The following ALPL variants were observed in gnomAD, a reference collection of about 807,000 sequenced individuals.
ALPL encodes the protein alkaline phosphatase, biomineralization associated.
Under a neutral mutation model 51.3 loss-of-function variants are expected in ALPL, and 42 were observed. The ratio of observed to expected loss-of-function variants is 0.82; its 90% confidence interval spans 0.64 to 1.06. ALPL has a LOEUF of 1.06. Ranked by LOEUF, ALPL falls within the 50% of genes least tolerant of loss-of-function variation. The pLI, the probability that ALPL is intolerant of heterozygous loss-of-function variation, is 0.00. For missense variants in ALPL, 589 were observed against 709.4 expected, an observed-to-expected ratio of 0.83 and a Z score of 1.93; for synonymous variants, 279 against 296.4, an observed-to-expected ratio of 0.94 and a Z score of 0.60.
chr1:21,530,305 G>A (rs926025978), intron 1 of ALPL, among the ~76,000 whole-genome samples: 6 of 152,068 alleles, frequency 3.9e-5, no homozygotes, highest in African/African-American at 1.4e-4. Flanking sequence ...GATCTAATAC[G>A]GATGATTCCA....
At chr1:21,515,738 A>G (rs1202928939) in intron 1 of ALPL, among the ~76,000 whole-genome samples, 1 of 152,090 alleles carries the variant, frequency 6.6e-6, no homozygotes, top group Non-Finnish European at 1.5e-5. Flanking sequence ...GTGCACCTTT[A>G]CTAGGTCAGT....
chr1:21,564,919 T>C lies in ALPL; in HGVS notation c.648+703T>C, dbSNP rs879511451. Among the ~76,000 whole-genome samples, 31 of 152,364 alleles carry C rather than the reference T, an allele frequency of 2.0e-4. No individual in the cohort carries two copies. Among genetic ancestry groups the C allele is most frequent in the Middle Eastern group, 6.8e-3 (2 of 294 alleles). On this transcript the variant is annotated intron_variant, in intron 6 of 11. Coordinates refer to ENST00000374840, the MANE Select transcript of ALPL (RefSeq NM_000478.6). The surrounding 1 kb of genome is among the most constrained non-coding windows in gnomAD (Gnocchi z 5.8). Reference sequence around the variant, plus strand: ...TGAAACACACTTCAACAAACTGAGCTGACTCATGGAGACAGAAGTCATCCA... The same window carrying C: ...TGAAACACACTTCAACAAACTGAGCCGACTCATGGAGACAGAAGTCATCCA...
In ALPL at chr1:21,516,311, A is replaced by G. The variant is rs188492009; in HGVS notation, c.-105+6794A>G. Among the ~76,000 whole-genome samples the G allele has an allele frequency of 4.8e-4, 73 of 152,214 alleles. 2 individuals carry two copies. The East Asian group carries it at 0.013, about 26-fold the overall frequency. On this transcript the variant is annotated intron_variant, in intron 1 of 11. Coordinates refer to ENST00000374840, the MANE Select transcript of ALPL (RefSeq NM_000478.6). ...CGCCATTCTGGTGAGAAAATGTCTCATCTGAGGCCCATTTCCCCTCCTCCA... is the reference window on the plus strand; with the variant it reads ...CGCCATTCTGGTGAGAAAATGTCTCGTCTGAGGCCCATTTCCCCTCCTCCA...
At chr1:21,554,888 T>TC (rs1644390725) in intron 2 of ALPL, among the ~76,000 whole-genome samples, 10 of 115,750 alleles carry the variant, frequency 8.6e-5, no homozygotes, top group African/African-American at 3.0e-4. Flanking sequence ...TTTCTTTCTT[T>TC]TTCTTTCTTT....
chr1:21,570,527 G>T (rs1644632605), intron 8 of ALPL, among the ~76,000 whole-genome samples, 153 bp downstream of exon 8: 1 of 152,212 alleles, frequency 6.6e-6, no homozygotes, highest in Admixed American at 6.5e-5. Context: ...AAGGAAGGGG[G>T]TTCTGGTTCC....
chr1:21,562,144 A>G (rs1457893049), intron 4 of ALPL, among the ~76,000 whole-genome samples: 6 of 152,178 alleles, frequency 3.9e-5, no homozygotes. Context: ...GTGCATATAA[A>G]AGTTATGTTT....
chr1:21,574,051 T>C (rs1385595275), intron 9 of ALPL: 1 of 985,316 alleles, frequency 1.0e-6, no homozygotes, highest in Non-Finnish European at 1.2e-6. Context: ...GGAGGCAGAT[T>C]TCTCCCCTTT....
intron 2 of ALPL, among the ~76,000 whole-genome samples, chr1:21,556,285 A>G (rs556041639): frequency 8.2e-4 from 125 of 152,306 alleles, no homozygotes; most frequent in South Asian, 1.7e-3. Flanking sequence ...GTCTTTCTCT[A>G]TCCCTTCCAT....
chr1:21,512,879 G>C (rs1483210291), intron 1 of ALPL, among the ~76,000 whole-genome samples: 1 of 152,150 alleles, frequency 6.6e-6, no homozygotes, highest in Non-Finnish European at 1.5e-5. Flanking sequence ...TTTGAGATGA[G>C]AGTAGGGGGT....
intron 8 of ALPL, among the ~76,000 whole-genome samples, chr1:21,571,810 C>A (rs991530723): frequency 6.6e-6 from 1 of 151,878 alleles, no homozygotes; most frequent in Admixed American, 6.6e-5. Flanking sequence ...GGAAACATAG[C>A]GAGACCTCAA....
intron 7 of ALPL, among the ~76,000 whole-genome samples, chr1:21,569,314 G>A (rs963940711): frequency 2.0e-5 from 3 of 152,190 alleles, no homozygotes; most frequent in African/African-American, 7.2e-5. Context: ...CAGGAACTCG[G>A]TCTAGACCTC....
At chr1:21,575,256 C>G (rs1205222126) in intron 9 of ALPL, among the ~76,000 whole-genome samples, 3 of 152,060 alleles carry the variant, frequency 2.0e-5, no homozygotes, top group Admixed American at 6.5e-5. Flanking sequence ...CTTCCCCACA[C>G]TAGGCCTCAG....
chr1:21,522,698 G>T (rs1471054562), intron 1 of ALPL, among the ~76,000 whole-genome samples: 1 of 152,090 alleles, frequency 6.6e-6, no homozygotes, highest in African/African-American at 2.4e-5. Context: ...CCAGTGTCGG[G>T]CACACAATAG....
intron 6 of ALPL, among the ~76,000 whole-genome samples, chr1:21,565,929 G>A (rs1051649494): frequency 1.3e-5 from 2 of 152,206 alleles, no homozygotes; most frequent in Non-Finnish European, 2.9e-5. Context: ...ATGAGCCCGT[G>A]TGAAGTCGCT....
intron 9 of ALPL, chr1:21,574,397 T>A: frequency 5.7e-6 from 1 of 176,048 alleles, no homozygotes; most frequent in Non-Finnish European, 1.1e-5. Flanking sequence ...TTATTAGCCT[T>A]GTTATGGCTA....
chr1:21,527,992 T>A (rs1476100841), intron 1 of ALPL, among the ~76,000 whole-genome samples: 3 of 149,614 alleles, frequency 2.0e-5, no homozygotes, highest in Non-Finnish European at 3.0e-5. Context: ...GTTTTCATTG[T>A]GTGTACGTGT....
chr1:21,554,968 C>T (rs1261044531), intron 2 of ALPL, among the ~76,000 whole-genome samples: 2 of 149,280 alleles, frequency 1.3e-5, no homozygotes, highest in Admixed American at 6.8e-5. Flanking sequence ...TCTTTTCTCT[C>T]GCATCCGAGT....
intron 5 of ALPL, 49 bp downstream of exon 5, chr1:21,563,333 A>G (rs745729113): frequency 6.4e-7 from 1 of 1,567,834 alleles, no homozygotes; most frequent in Non-Finnish European, 8.7e-7. Context: ...TGGCCTGTCC[A>G]GGCCTCAGTC....
chr1:21,515,829 C>CTTG (rs34708206), intron 1 of ALPL, among the ~76,000 whole-genome samples: 1 of 128,286 alleles, frequency 7.8e-6, no homozygotes, highest in African/African-American at 2.6e-5. Flanking sequence ...GTGTCTCAGG[C>CTTG]TTGTTGTTTT....
Sources: allele counts gnomAD v4.1 joint callset (sites outside exome capture counted in the v4.1 genomes callset), GRCh38; gene constraint gnomAD v4.1.1; non-coding constraint Gnocchi (gnomAD v3.1); transcripts MANE v1.5; gene names NCBI Gene and HGNC (gene_info 2026-07-23, HGNC 2026-07-21).